MICAL1: variants seen among roughly 807,000 people sequenced by gnomAD.
MICAL1 encodes [F-actin]-monooxygenase MICAL1.
MICAL1 carries 95 observed loss-of-function variants against 131.8 expected under a neutral mutation model. The observed-to-expected ratio is 0.72, with a 90% confidence interval of 0.61 to 0.86. The LOEUF (loss-of-function observed/expected upper bound fraction) is 0.86. Ranked by LOEUF, MICAL1 falls within the 40% of genes least tolerant of loss-of-function variation. The pLI, the probability that MICAL1 is intolerant of heterozygous loss-of-function variation, is 0.00. For synonymous variants in MICAL1, 546 were observed against 554.2 expected (o/e 0.99, Z 0.21); for missense variants, 1,292 against 1,380.6 (o/e 0.94, Z 1.02).
At chr6:109,463,901 TTC>T (rs1353079210) in intron 1 of MICAL1, 4 of 152,244 alleles carry the variant, frequency 2.6e-5, no homozygotes, top group Admixed American at 1.3e-4. Context: ...CATGTTATAG[TTC>T]TCTTAGTGTA....
chr6:109,449,587 G>T (rs1775421472), intron 10 of MICAL1, 70 bp downstream of exon 10: 3 of 1,601,456 alleles, frequency 1.9e-6, no homozygotes, highest in Non-Finnish European at 2.6e-6. Flanking sequence ...GCAGCGACTG[G>T]GCAGGGAGGG....
intron 11 of MICAL1, 22 bp downstream of exon 11, chr6:109,449,378 C>A (rs576131136): frequency 1.9e-6 from 3 of 1,613,972 alleles, no homozygotes; most frequent in African/African-American, 2.7e-5. Context: ...TTGGTCACCC[C>A]TTGGGAGGAA....
chr6:109,455,557 G>T lies in MICAL1; in HGVS notation c.-44+162C>A. On this transcript the variant is annotated intron_variant, in intron 1 of 24. Transcript: ENST00000358807. The surrounding 1 kb of genome is among the most constrained non-coding windows in gnomAD (Gnocchi z 4.7). ...CGGTGGGGGTCCCCGACACTGGACG[G>T]CAAAGTCCGGACGCGGCGTGAGCAG... is the stretch of plus-strand genomic sequence containing the variant. The T allele has an allele frequency of 2.7e-6, 1 of 376,306 alleles. No homozygotes were observed. The highest frequency in any genetic ancestry group is 3.7e-6 in the Non-Finnish European group (1 of 272,454). 23.3% of individuals were successfully genotyped at this position (376,306 alleles called of 1,614,324 possible).
At chr6:109,453,393 A>G in intron 3 of MICAL1, 26 bp from the exon 4 acceptor site, 2 of 1,605,226 alleles carry the variant, frequency 1.2e-6, no homozygotes, top group Non-Finnish European at 1.7e-6. Flanking sequence ...CATTAGGAAC[A>G]GGGACCCTAG....
intron 3 of MICAL1, 104 bp downstream of exon 3, chr6:109,453,534 A>T (rs1775622494): frequency 6.6e-7 from 1 of 1,511,708 alleles, no homozygotes; most frequent in African/African-American, 1.4e-5. Context: ...CCTGGCTGAT[A>T]CGGATCTTGT....
At chr6:109,461,798 TAAC>T (rs1775894115) in intron 1 of MICAL1, among the ~76,000 whole-genome samples, 1 of 152,218 alleles carries the variant, frequency 6.6e-6, no homozygotes, top group Admixed American at 6.5e-5. Context: ...TTGGTTCTAT[TAAC>T]CTTGGGAATA....
In MICAL1 at chr6:109,454,135, T is replaced by G. The variant is rs768771999; in HGVS notation, c.62A>C (p.Gln21Pro). Residue 21 changes from glutamine to proline, a missense_variant, in exon 2 of 25, where the codon CAG (glutamine) becomes CCG (proline). Coordinates refer to ENST00000358807, the MANE Select transcript of MICAL1 (RefSeq NM_022765.4). ...GCTGCTCAGCACGTCCTGGCACAGC[T>G]GGGCCTGCAGGAAGCTCTCAAAGTG... is the stretch of plus-strand genomic sequence containing the variant. ...HAHFESFLQA[Q>P]LCQDVLSSFQ... 1 of 1,613,174 alleles carries G rather than the reference T, an allele frequency of 6.2e-7. No individual in the cohort carries two copies. Among genetic ancestry groups the G allele is most frequent in the Admixed American group, 1.7e-5 (1 of 59,972 alleles).
intron 8 of MICAL1, 38 bp downstream of exon 8, chr6:109,450,262 C>A: frequency 6.3e-7 from 1 of 1,589,452 alleles, no homozygotes; most frequent in South Asian, 1.1e-5. Context: ...AGCTCCCTCC[C>A]CTAACCATGA....
chr6:109,457,512 A>G (rs186038022), upstream of MICAL1, among the ~76,000 whole-genome samples: 186 of 151,840 alleles, frequency 1.2e-3, 1 homozygote, highest in Non-Finnish European at 2.1e-4. Flanking sequence ...AGGAATAAAG[A>G]GGAGGGTTGC....
intron 15 of MICAL1, 30 bp downstream of exon 15, chr6:109,447,651 G>T (rs745522618): frequency 1.2e-6 from 2 of 1,613,084 alleles, no homozygotes; most frequent in Admixed American, 3.3e-5. Flanking sequence ...ATGTGGGGTA[G>T]GAGACCGACC....
intron 1 of MICAL1, chr6:109,465,588 C>T: frequency 2.0e-6 from 3 of 1,464,968 alleles, no homozygotes; most frequent in South Asian, 2.5e-5. Context: ...GAAAAACTAC[C>T]CGAGTCTTTA....
At chr6:109,445,378 T>C (rs1775164265) in intron 21 of MICAL1, 38 bp downstream of exon 21, 2 of 1,613,522 alleles carry the variant, frequency 1.2e-6, no homozygotes, top group Admixed American at 1.7e-5. Context: ...TCTCAGAACT[T>C]TGACCCCATC....
intron 3 of MICAL1, 92 bp downstream of exon 3, chr6:109,453,546 C>T: frequency 6.6e-7 from 1 of 1,518,112 alleles, no homozygotes; most frequent in Non-Finnish European, 8.9e-7. Context: ...GGATCTTGTC[C>T]ACTTCGACAT....
In MICAL1 at chr6:109,444,268, G is replaced by C. The variant is rs1775104052; in HGVS notation, c.3127C>G (p.Gln1043Glu). The C allele has an allele frequency of 1.9e-6, 3 of 1,613,498 alleles. No homozygotes were observed. Among genetic ancestry groups the C allele is most frequent in the Non-Finnish European group, 1.7e-6 (2 of 1,180,042 alleles). The change falls in exon 25 of 25, where the codon CAG becomes GAG. Residue 1043 changes from glutamine to glutamate, a missense_variant. Transcript: ENST00000358807. The stretch of plus-strand genomic sequence containing the variant: ...TGGAAGCGGATGAGGGCATCTCTCT[G>C]GTTGACCAAATCCACCAGCTTCCTC... ...VLRKLVDLVN[Q>E]RDALIRFQEE...
intron 24 of MICAL1, 112 bp downstream of exon 24, chr6:109,444,613 G>C: frequency 7.5e-7 from 1 of 1,325,174 alleles, no homozygotes; most frequent in Non-Finnish European, 1.1e-6. Context: ...CTCCTGAATT[G>C]TCTCAGAGGT....
At chr6:109,445,128 C>A in intron 22 of MICAL1, 69 bp downstream of exon 22, 1 of 1,593,592 alleles carries the variant, frequency 6.3e-7, no homozygotes, top group Non-Finnish European at 8.6e-7. Context: ...CACTGGGACT[C>A]CTACGGGCTG....
chr6:109,453,210 G>T, intron 4 of MICAL1, 53 bp downstream of exon 4: 3 of 1,449,728 alleles, frequency 2.1e-6, no homozygotes, highest in Non-Finnish European at 2.9e-6. Flanking sequence ...TCAGACACTG[G>T]CCAAGTTCTT....
intron 16 of MICAL1, 47 bp downstream of exon 16, chr6:109,447,310 C>T (rs1775273188): frequency 1.2e-6 from 2 of 1,613,870 alleles, no homozygotes; most frequent in Admixed American, 1.7e-5. Flanking sequence ...AACGCCCCTG[C>T]CCTGCCCTCC....
intron 13 of MICAL1, 60 bp from the exon 14 acceptor site, chr6:109,448,023 C>T: frequency 1.5e-6 from 1 of 679,376 alleles, no homozygotes; most frequent in Admixed American, 4.0e-5. Flanking sequence ...ACTCTCAGAA[C>T]AGACAGTCAC....
Sources: gnomAD v4.1 joint callset for allele counts (sites outside exome capture counted in the v4.1 genomes callset) on GRCh38, gnomAD v4.1.1 for gene constraint, Gnocchi (gnomAD v3.1) non-coding constraint, MANE v1.5 for transcripts, NCBI Gene and HGNC (gene_info 2026-07-23, HGNC 2026-07-21) for gene names.